The following PTPRR variants were observed in gnomAD, a reference collection of about 807,000 sequenced individuals.
PTPRR encodes the protein receptor-type tyrosine-protein phosphatase R.
PTPRR carries 38 observed loss-of-function variants against 77.2 expected under a neutral mutation model. The ratio of observed to expected loss-of-function variants is 0.49; its 90% CI spans 0.38 to 0.65. The LOEUF (loss-of-function observed/expected upper bound fraction) is 0.65. Among genes scored for constraint, PTPRR ranks in the 30% least tolerant of loss-of-function variants. The pLI is 0.00. For synonymous variants in PTPRR, 299 were observed against 283.1 expected, an observed-to-expected ratio of 1.06 and a Z score of -0.57; for missense variants, 744 against 799.2, an observed-to-expected ratio of 0.93 and a Z score of 0.83.
intron 12 of PTPRR, among the ~76,000 whole-genome samples, chr12:70,657,101 G>A (rs1219689970): frequency 6.6e-6 from 1 of 152,114 alleles, no homozygotes; most frequent in Non-Finnish European, 1.5e-5. Context: ...CTGCACTTAG[G>A]CAAGATACAG....
intron 2 of PTPRR, among the ~76,000 whole-genome samples, chr12:70,777,737 A>G (rs904041042): frequency 1.3e-5 from 2 of 152,116 alleles, no homozygotes; most frequent in African/African-American, 4.8e-5. Flanking sequence ...TCACCCTAAA[A>G]CTGCATTAAA....
At position 70,884,085 on chromosome 12, in the gene PTPRR, TA is replaced by T. The variant is rs1893193988; in HGVS notation, c.357+8593del. 6.6e-5 allele frequency among the ~76,000 whole-genome samples: 10 copies of T among 152,228 alleles called. No individual in the cohort carries two copies. The South Asian group carries it at 2.1e-3, about 32-fold the overall frequency. Reference sequence around the variant, plus strand: ...CCAATTGTAGACTAGCACTGGGAGTTAAGCTTCTTAACTTTGCCCAGGGAGA... The same window carrying T: ...CCAATTGTAGACTAGCACTGGGAGTTAGCTTCTTAACTTTGCCCAGGGAGA... On this transcript the variant is annotated intron_variant, in intron 2 of 13. Transcript: ENST00000283228.
chr12:70,644,054 ACAGTACCTGAAAAAAGG>A (rs77789583), intron 13 of PTPRR, among the ~76,000 whole-genome samples: 3,839 of 152,302 alleles, frequency 0.025, 75 homozygotes, highest in South Asian at 0.11. Flanking sequence ...ACTTTCCAAT[ACAGTACCTGAAAAAAGG>A]CAATTATGTA....
chr12:70,767,963 C>A (rs1195224970), intron 2 of PTPRR, among the ~76,000 whole-genome samples: 3 of 151,980 alleles, frequency 2.0e-5, no homozygotes, highest in East Asian at 3.9e-4. Context: ...TCTTTGAAAC[C>A]AATGAGAACA....
intron 2 of PTPRR, among the ~76,000 whole-genome samples, chr12:70,881,922 G>T (rs1331437874): frequency 6.6e-6 from 1 of 152,176 alleles, no homozygotes; most frequent in Non-Finnish European, 1.5e-5. Context: ...TTTAATTAAA[G>T]GGTGGAGAGT....
At chr12:70,672,526 C>T in intron 10 of PTPRR, 1 of 1,281,124 alleles carries the variant, frequency 7.8e-7, no homozygotes. Context: ...TGATGGGAAA[C>T]AGTGGCTGCT....
At chr12:70,737,001 A>C (rs374843574) in intron 6 of PTPRR, among the ~76,000 whole-genome samples, 352 of 152,186 alleles carry the variant, frequency 2.3e-3, no homozygotes, top group African/African-American at 7.2e-3. Context: ...CTCCTGCCCC[A>C]CTGCTGGGAG....
In PTPRR at chr12:70,745,922, A is replaced by C. The variant is rs79366368; in HGVS notation, c.903T>G (p.Val301=). 1 of 1,614,020 alleles carries C rather than the reference A, an allele frequency of 6.2e-7. No individual in the cohort carries two copies. Among genetic ancestry groups the C allele is most frequent in the African/African-American group, 1.3e-5 (1 of 74,906 alleles). ...QPEQAPKVLN[V]VVDPQGRGAP... ...CACCTCGGCCTTGAGGGTCCACGAC[A>C]ACATTCAGTACCTTTGGGGCCTGCT... Residue 301 remains valine, a synonymous_variant, in exon 6 of 14, where the codon GTT becomes GTG. Transcript: ENST00000283228.
chr12:70,757,740 A>C (rs1890595941), intron 4 of PTPRR, among the ~76,000 whole-genome samples: 1 of 152,232 alleles, frequency 6.6e-6, no homozygotes, highest in African/African-American at 2.4e-5. Context: ...ATTCATGCAA[A>C]GGATGAAAAG....
chr12:70,863,692 G>A lies in PTPRR; in HGVS notation c.357+28987C>T, dbSNP rs1446129094. 2.0e-5 allele frequency among the ~76,000 whole-genome samples: 3 copies of A among 152,020 alleles called. No individual in the cohort carries two copies. In the East Asian group the frequency reaches 5.8e-4, roughly 29 times the overall value. ...AACCAATTATCTATTGTTTCATCTTGCTTCATAACAGGGTGAAATATTTCT... is the reference window on the plus strand; with the variant it reads ...AACCAATTATCTATTGTTTCATCTTACTTCATAACAGGGTGAAATATTTCT... On this transcript the variant is annotated intron_variant, in intron 2 of 13. Transcript: ENST00000283228.
intron 13 of PTPRR, among the ~76,000 whole-genome samples, chr12:70,645,723 A>C (rs574710428): frequency 2.6e-5 from 4 of 152,286 alleles, no homozygotes; most frequent in Admixed American, 2.6e-4. Flanking sequence ...AGATAATCTC[A>C]TATCACATTA....
chr12:70,685,473 C>CAAAAAAA (rs61205959), intron 8 of PTPRR, among the ~76,000 whole-genome samples: 13 of 60,976 alleles, frequency 2.1e-4, no homozygotes, highest in Non-Finnish European at 2.0e-4. Flanking sequence ...GACTTCATCT[C>CAAAAAAA]AAAAAAAAAA....
At chr12:70,745,749 T>C in intron 6 of PTPRR, 69 bp downstream of exon 6, 2 of 1,511,182 alleles carry the variant, frequency 1.3e-6, no homozygotes, top group Non-Finnish European at 9.0e-7. Flanking sequence ...TACTAGTTCT[T>C]TCTTTTTTAG....
chr12:70,706,541 A>C (rs922238749), intron 6 of PTPRR, among the ~76,000 whole-genome samples: 1 of 151,950 alleles, frequency 6.6e-6, no homozygotes, highest in Non-Finnish European at 1.5e-5. Context: ...GTAGGAAATG[A>C]TCCATTTTCC....
chr12:70,661,172 G>T (rs1253297247), intron 11 of PTPRR, 75 bp from the exon 12 acceptor site: 1 of 1,530,358 alleles, frequency 6.5e-7, no homozygotes, highest in Non-Finnish European at 8.9e-7. Flanking sequence ...AATACTGAAT[G>T]CCTTTTATCA....
At chr12:70,886,082 C>T (rs1893234884) in intron 2 of PTPRR, among the ~76,000 whole-genome samples, 1 of 152,092 alleles carries the variant, frequency 6.6e-6, no homozygotes. Context: ...AGGGTTGTAA[C>T]CTCACACAGA....
intron 6 of PTPRR, among the ~76,000 whole-genome samples, chr12:70,717,534 A>T (rs1889077307): frequency 6.6e-6 from 1 of 152,100 alleles, no homozygotes; most frequent in Non-Finnish European, 1.5e-5. Context: ...CAAGCACAAG[A>T]CTCGCCCCAG....
chr12:70,782,241 G>A (rs551750052), intron 2 of PTPRR, among the ~76,000 whole-genome samples: 7 of 152,134 alleles, frequency 4.6e-5, no homozygotes, highest in African/African-American at 1.7e-4. Flanking sequence ...TTCAGATGTT[G>A]CAGGTAGGTG....
chr12:70,672,608 A>G (rs1215684443), intron 10 of PTPRR: 2 of 1,477,532 alleles, frequency 1.4e-6, no homozygotes, highest in African/African-American at 2.8e-5. Context: ...GCAGATGCAC[A>G]CATCTTAAAG....
Sources: allele counts gnomAD v4.1 joint callset (sites outside exome capture counted in the v4.1 genomes callset), GRCh38; gene constraint gnomAD v4.1.1; transcripts MANE v1.5; gene names NCBI Gene and HGNC (gene_info 2026-07-23, HGNC 2026-07-21).